The following FAM163B variants were observed in gnomAD, a reference collection of about 807,000 sequenced individuals.
FAM163B encodes protein FAM163B.
A neutral mutation model predicts 7.6 loss-of-function variants in FAM163B; 4 were observed. The observed-to-expected ratio is 0.52, with a 90% CI of 0.26 to 1.20. FAM163B has a LOEUF of 1.20. FAM163B is among the 50% of genes most tolerant of loss of function. The pLI is 0.14. For missense variants in FAM163B, 250 were observed against 243.0 expected (o/e 1.03, Z -0.19); for synonymous variants, 120 against 111.6 (o/e 1.07, Z -0.47).
chr9:133,593,479 C>G (rs1831585752), intron 1 of FAM163B, among the ~76,000 whole-genome samples: 1 of 152,136 alleles, frequency 6.6e-6, no homozygotes, highest in African/African-American at 2.4e-5. Flanking sequence ...CCTCCATGCC[C>G]CTGCTCCAGT....
At chr9:133,593,093 C>T (rs1831579455) in intron 1 of FAM163B, among the ~76,000 whole-genome samples, 2 of 152,196 alleles carry the variant, frequency 1.3e-5, no homozygotes, top group South Asian at 4.1e-4. Context: ...GCAGAGCCGC[C>T]CTCTCATCAG....
chr9:133,590,810 C>T (rs938861111), intron 1 of FAM163B, among the ~76,000 whole-genome samples: 6 of 152,166 alleles, frequency 3.9e-5, no homozygotes, highest in Non-Finnish European at 2.9e-5. Flanking sequence ...GTCTCCTCTG[C>T]CTGAGGGGCC....
At chr9:133,604,785 C>T (rs939314724) in intron 1 of FAM163B, among the ~76,000 whole-genome samples, 7 of 152,046 alleles carry the variant, frequency 4.6e-5, no homozygotes, top group Admixed American at 2.6e-4. Flanking sequence ...TGCTGGTCCC[C>T]GAACCCCATC....
intron 1 of FAM163B, among the ~76,000 whole-genome samples, chr9:133,587,490 C>A (rs552845391): frequency 6.6e-6 from 1 of 152,324 alleles, no homozygotes; most frequent in South Asian, 2.1e-4. Flanking sequence ...CAGGATCAGG[C>A]CTCCTGGCCT....
intron 1 of FAM163B, among the ~76,000 whole-genome samples, chr9:133,598,806 A>G (rs146101777): frequency 3.2e-4 from 48 of 152,242 alleles, no homozygotes; most frequent in East Asian, 1.9e-3. Context: ...GGGGACAGGG[A>G]CCTGAGGCAC....
At chr9:133,590,458 G>GA (rs1281386252) in intron 1 of FAM163B, among the ~76,000 whole-genome samples, 1 of 152,026 alleles carries the variant, frequency 6.6e-6, no homozygotes, top group Non-Finnish European at 1.5e-5. Context: ...GAACCCTATA[G>GA]GCACAGCCGG....
rs773231301 is a variant in FAM163B, at chr9:133,579,095, G to A, written c.428C>T (p.Ala143Val). Residue 143 changes from alanine (A) to valine (V), a missense_variant, in exon 3 of 3, where the codon GCG (alanine) becomes GTG (valine). Transcript: ENST00000673969. Reference sequence around the variant, plus strand: ...GGCTGAGAGGCGGTTGGGGTTGAGCGCCTGCAGGCCCCCGAAGCCCCCCGG... The same window carrying A: ...GGCTGAGAGGCGGTTGGGGTTGAGCACCTGCAGGCCCCCGAAGCCCCCCGG... The part of the protein sequence containing the change: ...LPPGGFGGLQ[A>V]LNPNRLSAMR... The A allele has an allele frequency of 1.3e-5, 21 of 1,598,246 alleles. No homozygotes were observed. The highest frequency in any genetic ancestry group is 2.2e-5 in the South Asian group (2 of 89,930).
chr9:133,589,695 C>G (rs1249426182), intron 1 of FAM163B, among the ~76,000 whole-genome samples: 1 of 152,128 alleles, frequency 6.6e-6, no homozygotes, highest in African/African-American at 2.4e-5. Context: ...CACACTTGCA[C>G]CGCAGGCCCT....
At chr9:133,585,004 C>T (rs1293956410) in intron 1 of FAM163B, among the ~76,000 whole-genome samples, 1 of 152,240 alleles carries the variant, frequency 6.6e-6, no homozygotes, top group Non-Finnish European at 1.5e-5. Context: ...CTTCCCTGTT[C>T]CCACCCCGGG....
chr9:133,587,905 CT>C (rs1179296286), intron 1 of FAM163B, among the ~76,000 whole-genome samples: 3 of 149,576 alleles, frequency 2.0e-5, no homozygotes, highest in Non-Finnish European at 4.4e-5. Flanking sequence ...CTGGGAGCCC[CT>C]GGAGCAGATA....
chr9:133,590,499 A>G (rs770363429), intron 1 of FAM163B, among the ~76,000 whole-genome samples: 8 of 152,166 alleles, frequency 5.3e-5, no homozygotes, highest in Non-Finnish European at 8.8e-5. Flanking sequence ...TCATGCAAAG[A>G]TGAGGAAACG....
chr9:133,599,008 C>T (rs1474590547), intron 1 of FAM163B, among the ~76,000 whole-genome samples: 1 of 152,254 alleles, frequency 6.6e-6, no homozygotes, highest in East Asian at 1.9e-4. Context: ...GCAGCACCCC[C>T]TCCCCCAGGG....
In FAM163B at chr9:133,600,369, G is replaced by C. The variant is rs1831705465; in HGVS notation, c.-24+8708C>G. Among the ~76,000 whole-genome samples the C allele has an allele frequency of 6.6e-6, 1 of 152,136 alleles. No individual in the cohort carries two copies. Among genetic ancestry groups the C allele is most frequent in the Admixed American group, 6.5e-5 (1 of 15,276 alleles). ...CCAGCAGCCTGGCCCATCCCAAAGAGACTGGCTGGCCCACACGGCAGCCGG... is the reference window on the plus strand; with the variant it reads ...CCAGCAGCCTGGCCCATCCCAAAGACACTGGCTGGCCCACACGGCAGCCGG... On this transcript the variant is annotated intron_variant, in intron 1 of 2. Coordinates refer to ENST00000673969, the MANE Select transcript of FAM163B (RefSeq NM_001080515.3). This position sits in a 1 kb window ranked among gnomAD's most constrained non-coding sequence, Gnocchi z 4.9.
intron 1 of FAM163B, among the ~76,000 whole-genome samples, chr9:133,599,600 ATG>A (rs898274939): frequency 2.4e-4 from 35 of 146,840 alleles, no homozygotes; most frequent in African/African-American, 7.6e-4. Context: ...GCATGTGTGA[ATG>A]TGTGTGTGCA....
At chr9:133,589,683 C>T (rs995370890) in intron 1 of FAM163B, among the ~76,000 whole-genome samples, 5 of 152,120 alleles carry the variant, frequency 3.3e-5, no homozygotes, top group African/African-American at 7.2e-5. Context: ...GGGGCCGCGG[C>T]CCACACTTGC....
At chr9:133,581,097 A>G (rs1588321247) in intron 1 of FAM163B, among the ~76,000 whole-genome samples, 1 of 152,228 alleles carries the variant, frequency 6.6e-6, no homozygotes, top group Admixed American at 6.5e-5. Flanking sequence ...GAAAATGTCC[A>G]TCAAACACAA....
At chr9:133,580,071 G>T in intron 2 of FAM163B, 60 bp downstream of exon 2, 4 of 1,454,626 alleles carry the variant, frequency 2.7e-6, no homozygotes, top group Admixed American at 3.5e-5. Context: ...GCTCCCTCCC[G>T]AGGTAGGGGC....
At chr9:133,580,817 T>G (rs1026805556) in intron 1 of FAM163B, among the ~76,000 whole-genome samples, 1 of 152,376 alleles carries the variant, frequency 6.6e-6, no homozygotes, top group African/African-American at 2.4e-5. Flanking sequence ...CTTCACCATT[T>G]GTACGTGTGC....
In FAM163B at chr9:133,609,307, G is replaced by A. The variant is rs1219005022; in HGVS notation, c.-254C>T. 6.7e-6 allele frequency among the ~76,000 whole-genome samples: 1 copy of A among 149,774 alleles called. No individual in the cohort carries two copies. Among genetic ancestry groups the A allele is most frequent in the Non-Finnish European group, 1.5e-5 (1 of 67,134 alleles). ...GGCACCCCTGCCAGCTCCGCGCTGC[G>A]GCCGCGACTCCGGACGCCCCGGCTG... On this transcript the variant is annotated 5_prime_UTR_variant, in exon 1 of 3. Coordinates refer to ENST00000673969, the MANE Select transcript of FAM163B (RefSeq NM_001080515.3).
Sources: gnomAD v4.1 joint callset for allele counts (sites outside exome capture counted in the v4.1 genomes callset) on GRCh38, gnomAD v4.1.1 for gene constraint, Gnocchi (gnomAD v3.1) non-coding constraint, MANE v1.5 for transcripts, NCBI Gene and HGNC (gene_info 2026-07-23, HGNC 2026-07-21) for gene names.